The following APPL2 variants were observed in gnomAD, a reference collection of about 807,000 sequenced individuals.
APPL2 encodes adaptor protein, phosphotyrosine interacting with PH domain and leucine zipper 2.
Under a neutral mutation model 92.7 loss-of-function variants are expected in APPL2, and 84 were observed. The observed-to-expected ratio is 0.91, with a 90% confidence interval of 0.76 to 1.09. The LOEUF (loss-of-function observed/expected upper bound fraction) is 1.09, where lower values mean the gene tolerates loss of function less well. Ranked by LOEUF, APPL2 falls within the 50% of genes least tolerant of loss-of-function variation. APPL2 has a pLI of 0.00. For missense variants in APPL2, 736 were observed against 824.5 expected (o/e 0.89, Z 1.31); for synonymous variants, 291 against 291.0 (o/e 1.00, Z 0.00).
chr12:105,181,265 C>T (rs1385141598), intron 17 of APPL2, among the ~76,000 whole-genome samples: 4 of 152,138 alleles, frequency 2.6e-5, no homozygotes, highest in African/African-American at 9.7e-5. Context: ...ATTACATTTA[C>T]TGATTTGCGT....
Position 105,174,270 on chromosome 12 carries a change from T to G in APPL2, c.*44A>C. 6.2e-7 allele frequency: 1 copy of G among 1,604,760 alleles called. No homozygotes were observed. Among genetic ancestry groups the G allele is most frequent in the Non-Finnish European group, 8.5e-7 (1 of 1,175,530 alleles). On this transcript the variant is annotated 3_prime_UTR_variant, in exon 21 of 21. Transcript: ENST00000258530. ...CAGAGACGTTAAAACCCTTAGGAGG[T>G]AGCTCTCCTTCCTGTTTGCTCTTCC...
chr12:105,207,809 T>C (rs1888862099), intron 7 of APPL2, among the ~76,000 whole-genome samples, 162 bp downstream of exon 7: 1 of 151,926 alleles, frequency 6.6e-6, no homozygotes, highest in Non-Finnish European at 1.5e-5. Flanking sequence ...AATAGAGAAG[T>C]GGAGGTCTAC....
intron 2 of APPL2, among the ~76,000 whole-genome samples, chr12:105,223,770 T>C (rs1158024436): frequency 1.3e-5 from 2 of 152,232 alleles, no homozygotes; most frequent in African/African-American, 2.4e-5. Flanking sequence ...CAACTATTAT[T>C]ATCATAAAAC....
chr12:105,205,253 T>C lies in APPL2; in HGVS notation c.622-1468A>G, dbSNP rs558528010. On this transcript the variant is annotated intron_variant, in intron 8 of 20. Coordinates refer to ENST00000258530, the MANE Select transcript of APPL2 (RefSeq NM_018171.5). ...TGTCTGGCTATTGAAGGAGCTATTG[T>C]TTCCATCTGCATTTAAAAATAATGC... is the stretch of plus-strand genomic sequence containing the variant. 9.8e-5 allele frequency among the ~76,000 whole-genome samples: 15 copies of C among 152,340 alleles called. No homozygotes were observed. The South Asian group carries it at 3.1e-3, about 32-fold the overall frequency.
At chr12:105,175,072 T>G (rs966485345) in intron 20 of APPL2, among the ~76,000 whole-genome samples, 4 of 152,076 alleles carry the variant, frequency 2.6e-5, no homozygotes, top group African/African-American at 9.7e-5. Flanking sequence ...TTAGTAGAGA[T>G]GGGGTTTCAC....
At chr12:105,192,504 C>T (rs1005578076) in intron 14 of APPL2, among the ~76,000 whole-genome samples, 5 of 151,022 alleles carry the variant, frequency 3.3e-5, no homozygotes, top group Admixed American at 2.6e-4. Flanking sequence ...TCCACTGTCC[C>T]GTTACACTGC....
At chr12:105,188,985 C>T (rs1886963642) in intron 16 of APPL2, among the ~76,000 whole-genome samples, 1 of 152,180 alleles carries the variant, frequency 6.6e-6, no homozygotes, top group South Asian at 2.1e-4. Context: ...AACTGACTCC[C>T]AGCAACCATA....
intron 2 of APPL2, among the ~76,000 whole-genome samples, chr12:105,225,189 C>T (rs1373129606): frequency 6.6e-6 from 1 of 151,710 alleles, no homozygotes; most frequent in Non-Finnish European, 1.5e-5. Context: ...CAAAAAATCT[C>T]ATACAAACTG....
At chr12:105,210,319 G>A (rs957242062) in intron 5 of APPL2, among the ~76,000 whole-genome samples, 2 of 151,842 alleles carry the variant, frequency 1.3e-5, no homozygotes, top group East Asian at 1.9e-4. Flanking sequence ...CCCAACCCCC[G>A]CCGCAAAAAA....
chr12:105,197,667 CCA>C (rs1887779425), intron 11 of APPL2, 96 bp downstream of exon 11: 1 of 1,464,930 alleles, frequency 6.8e-7, no homozygotes, highest in South Asian at 1.2e-5. Context: ...GGGGCCTCTC[CCA>C]CAGAGGGCTG....
chr12:105,207,909 G>A, intron 7 of APPL2, 62 bp downstream of exon 7: 2 of 1,435,602 alleles, frequency 1.4e-6, no homozygotes, highest in Non-Finnish European at 2.0e-6. Flanking sequence ...AAATTCACAA[G>A]AGGAAGGCAT....
chr12:105,190,040 CG>C lies in APPL2; in HGVS notation c.1356del (p.Phe452LeufsTer44). On this transcript the variant is annotated frameshift_variant, in exon 15 of 21. Coordinates refer to ENST00000258530, the MANE Select transcript of APPL2 (RefSeq NM_018171.5). LOFTEE classifies it high-confidence loss of function. ...AATTCTGTAGCAGGAAGCACAATATCGAATTGAATCGGCGTTCCAGGCGCGA... is the reference window on the plus strand; with the variant it reads ...AATTCTGTAGCAGGAAGCACAATATCAATTGAATCGGCGTTCCAGGCGCGA... ...ELIAPGTPIQFDIVLPATEFL... is the reference protein window; with the variant it reads ...ELIAPGTPIQXDIVLPATEFL... 6.2e-7 allele frequency: 1 copy of C among 1,614,184 alleles called. No individual in the cohort carries two copies. The highest frequency in any genetic ancestry group is 8.5e-7 in the Non-Finnish European group (1 of 1,180,034).
At chr12:105,197,073 G>A (rs1321919371) in intron 11 of APPL2, among the ~76,000 whole-genome samples, 1 of 152,112 alleles carries the variant, frequency 6.6e-6, no homozygotes, top group Non-Finnish European at 1.5e-5. Context: ...TGACGGGCAG[G>A]GCCACTCCTC....
At chr12:105,220,578 A>G (rs1890023651) in intron 2 of APPL2, among the ~76,000 whole-genome samples, 4 of 152,116 alleles carry the variant, frequency 2.6e-5, no homozygotes, top group Admixed American at 2.6e-4. Flanking sequence ...AGTCAACTCT[A>G]ATATGTTACT....
intron 4 of APPL2, among the ~76,000 whole-genome samples, chr12:105,212,720 T>C (rs1230260722): frequency 6.6e-6 from 1 of 152,242 alleles, no homozygotes; most frequent in African/African-American, 2.4e-5. Flanking sequence ...ATTCAACATG[T>C]GGCAAAGTTT....
chr12:105,229,191 ATCT>A lies in APPL2; in HGVS notation c.84_86del (p.Glu28del), dbSNP rs772469157. 2 of 1,613,836 alleles carry A rather than the reference ATCT, an allele frequency of 1.2e-6. No individual in the cohort carries two copies. Among genetic ancestry groups the A allele is most frequent in the African/African-American group, 1.3e-5 (1 of 74,922 alleles). On this transcript the variant is annotated inframe_deletion, in exon 2 of 21. Coordinates refer to ENST00000258530, the MANE Select transcript of APPL2 (RefSeq NM_018171.5). The stretch of plus-strand genomic sequence containing the variant: ...TGGTATAGTCTGTGAGGGTGCCAGC[ATCT>A]TCTTCAAACACGCTCAGTAAAGAGC...
chr12:105,186,638 T>TATCGATATCC lies in APPL2; in HGVS notation c.1634+1634_1634+1635insGGATATCGAT, dbSNP rs1432103220. Among the ~76,000 whole-genome samples the TATCGATATCC allele has an allele frequency of 3.9e-4, 50 of 128,916 alleles. 2 individuals carry two copies. The highest frequency in any genetic ancestry group is 1.4e-3 in the African/African-American group (48 of 34,998). The allele number at this position is 128,916 out of a possible 152,430, so 84.6% of individuals were successfully genotyped here. On this transcript the variant is annotated intron_variant, in intron 17 of 20. Coordinates refer to ENST00000258530, the MANE Select transcript of APPL2 (RefSeq NM_018171.5). ...TATCATATATATATCATATATATCA[T>TATCGATATCC]ATATATGATATCGATATCATATATA...
intron 5 of APPL2, among the ~76,000 whole-genome samples, chr12:105,209,305 T>G (rs1426977222): frequency 2.0e-5 from 3 of 152,118 alleles, no homozygotes; most frequent in African/African-American, 4.8e-5. Context: ...GCCAAATACT[T>G]CAAAGTGAGG....
intron 9 of APPL2, among the ~76,000 whole-genome samples, 170 bp from the exon 10 acceptor site, chr12:105,199,701 A>G (rs908336378): frequency 6.6e-6 from 1 of 152,164 alleles, no homozygotes; most frequent in Non-Finnish European, 1.5e-5. Flanking sequence ...AAAACTATGA[A>G]TCACAGGGAC....
Sources: allele counts gnomAD v4.1 joint callset (sites outside exome capture counted in the v4.1 genomes callset), GRCh38; gene constraint gnomAD v4.1.1; transcripts MANE v1.5; gene names NCBI Gene and HGNC (gene_info 2026-07-23, HGNC 2026-07-21).